The following CCDC88C variants were observed in gnomAD, a reference collection of about 807,000 sequenced individuals.
CCDC88C encodes coiled-coil and HOOK domain protein 88C, also known as protein Daple.
In CCDC88C, 131 loss-of-function variants were observed where a neutral mutation model predicts 198.8. The observed-to-expected ratio is 0.66, with a 90% confidence interval of 0.57 to 0.76. The LOEUF (loss-of-function observed/expected upper bound fraction) is 0.76. Ranked by LOEUF, CCDC88C falls within the 30% of genes least tolerant of loss-of-function variation. CCDC88C has a pLI of 0.00. For synonymous variants in CCDC88C, 1,166 were observed against 1,114.7 expected, an observed-to-expected ratio of 1.05 and a Z score of -0.92; for missense variants, 2,553 against 2,631.6, an observed-to-expected ratio of 0.97 and a Z score of 0.65.
chr14:91,411,274 T>C (rs550062359), intron 2 of CCDC88C, among the ~76,000 whole-genome samples: 1 of 152,254 alleles, frequency 6.6e-6, no homozygotes, highest in South Asian at 2.1e-4. Flanking sequence ...TCAAGAGACA[T>C]GGGTTCTAGC....
chr14:91,339,010 C>T lies in CCDC88C; in HGVS notation c.809+268G>A, dbSNP rs1335220567. On this transcript the variant is annotated intron_variant, in intron 8 of 29. Coordinates refer to ENST00000389857, the MANE Select transcript of CCDC88C (RefSeq NM_001080414.4). This position sits in a 1 kb window ranked among gnomAD's most constrained non-coding sequence, Gnocchi z 5.8. ...GCCCCAAGCTGGAGCTGAGCGTGGA[C>T]TGGAGGCTGCTTCTGTGGACAACTT... is the stretch of plus-strand genomic sequence containing the variant. 3.5e-6 allele frequency: 2 copies of T among 567,994 alleles called. No homozygotes were observed. Among genetic ancestry groups the T allele is most frequent in the South Asian group, 1.9e-5 (1 of 52,294 alleles). 35.2% of individuals were successfully genotyped at this position (567,994 alleles called of 1,614,324 possible).
rs565141763 is a variant in CCDC88C at position 91,273,043 on chromosome 14, G to A, written c.5669C>T (p.Pro1890Leu). ...PLDTRRFSLA[P>L]PKEERLAPLH... ...GGGGGCCAGCCTCTCCTCCTTTGGG[G>A]GAGCCAGGGAGAAGCGCCTCGTGTC... is the stretch of plus-strand genomic sequence containing the variant. The change falls in exon 30 of 30, where the codon CCC becomes CTC. Residue 1890 changes from proline (P) to leucine (L), a missense_variant. By Grantham distance (98) the Pro-to-Leu change is moderately conservative. Coordinates refer to ENST00000389857, the MANE Select transcript of CCDC88C (RefSeq NM_001080414.4). The surrounding 1 kb of genome is among the most constrained non-coding windows in gnomAD (Gnocchi z 5.6). The A allele has an allele frequency of 5.8e-6, 9 of 1,555,130 alleles. No individual in the cohort carries two copies. The South Asian group carries it at 9.4e-5, about 16-fold the overall frequency.
rs574085200 is a variant in CCDC88C, at chr14:91,366,738, T to C, written c.271-7027A>G. On this transcript the variant is annotated intron_variant, in intron 3 of 29. Coordinates refer to ENST00000389857, the MANE Select transcript of CCDC88C (RefSeq NM_001080414.4). Reference sequence around the variant, plus strand: ...GGGAGCCAGGAGCACCCAAGGGGTCTGTAACCAGTGAAGGGGGACGGGGTC... The same window carrying C: ...GGGAGCCAGGAGCACCCAAGGGGTCCGTAACCAGTGAAGGGGGACGGGGTC... Among the ~76,000 whole-genome samples the C allele has an allele frequency of 1.2e-3, 187 of 152,310 alleles. 1 individual carries two copies. Among genetic ancestry groups the C allele is most frequent in the African/African-American group, 4.4e-3 (182 of 41,558 alleles).
At chr14:91,405,077 T>C (rs1467639615) in intron 3 of CCDC88C, among the ~76,000 whole-genome samples, 1 of 152,058 alleles carries the variant, frequency 6.6e-6, no homozygotes, top group Non-Finnish European at 1.5e-5. Flanking sequence ...GGTGGTGGGA[T>C]AGGATCTCAG....
intron 3 of CCDC88C, among the ~76,000 whole-genome samples, chr14:91,394,320 T>G (rs915637415): frequency 6.6e-6 from 1 of 152,126 alleles, no homozygotes; most frequent in Non-Finnish European, 1.5e-5. Context: ...CTCACTGCAT[T>G]GCACCTCCAT....
chr14:91,318,099 C>G (rs779450867), intron 13 of CCDC88C, among the ~76,000 whole-genome samples: 2 of 152,214 alleles, frequency 1.3e-5, no homozygotes, highest in Non-Finnish European at 2.9e-5. Flanking sequence ...AGACATTTCC[C>G]GTGCTAGGCC....
At position 91,352,918 on chromosome 14, in the gene CCDC88C, C is replaced by T. The variant is rs1034322679; in HGVS notation, c.340+6724G>A. Reference sequence around the variant, plus strand: ...CACAAGCCGGACTCTGAGCCTGTGCCTGGGTTGCCAGGATGGAGGTCAGTA... The same window carrying T: ...CACAAGCCGGACTCTGAGCCTGTGCTTGGGTTGCCAGGATGGAGGTCAGTA... On this transcript the variant is annotated intron_variant, in intron 4 of 29. Transcript: ENST00000389857. The surrounding 1 kb of genome is among the most constrained non-coding windows in gnomAD (Gnocchi z 4.2). Among the ~76,000 whole-genome samples, 1 of 152,180 alleles carries T rather than the reference C, an allele frequency of 6.6e-6. No individual in the cohort carries two copies. The highest frequency in any genetic ancestry group is 2.4e-5 in the African/African-American group (1 of 41,456).
chr14:91,401,475 C>G (rs921716736), intron 3 of CCDC88C, among the ~76,000 whole-genome samples: 1 of 151,398 alleles, frequency 6.6e-6, no homozygotes, highest in East Asian at 1.9e-4. Context: ...GCTGGGACTA[C>G]AGTCGCCCAC....
Position 91,281,154 on chromosome 14 carries a change from C to G in CCDC88C, c.4699+303G>C, listed in dbSNP as rs561545462. 183 of 552,390 alleles carry G rather than the reference C, an allele frequency of 3.3e-4. 3 individuals are homozygous for G. The highest frequency in any genetic ancestry group is 2.5e-3 in the South Asian group (163 of 65,716). 34.2% of individuals were successfully genotyped at this position (552,390 alleles called of 1,614,324 possible). On this transcript the variant is annotated intron_variant, in intron 27 of 29. Coordinates refer to ENST00000389857, the MANE Select transcript of CCDC88C (RefSeq NM_001080414.4). The stretch of plus-strand genomic sequence containing the variant: ...GCAAGGGACCTTCTTGAAATGAACG[C>G]TCCCCACCTGGGCCACCGGAACTTC...
At chr14:91,277,339 A>G (rs1890008209) in intron 29 of CCDC88C, among the ~76,000 whole-genome samples, 1 of 152,224 alleles carries the variant, frequency 6.6e-6, no homozygotes, top group African/African-American at 2.4e-5. Context: ...AATTGGTCAA[A>G]AAGAAATTTT....
At chr14:91,303,658 G>A in intron 20 of CCDC88C, 43 bp downstream of exon 20, 3 of 1,515,276 alleles carry the variant, frequency 2.0e-6, no homozygotes, top group Non-Finnish European at 2.7e-6. Flanking sequence ...CTCTCCTCTG[G>A]ACTCTACCCC....
Position 91,315,723 on chromosome 14 carries a change from C to T in CCDC88C, c.1592G>A (p.Ser531Asn). Reference sequence around the variant, plus strand: ...CTCCTTCTCTCTGATCAGCTCCTCACTGAGGGTCTCCAGATCTTGGTTGCT... The same window carrying T: ...CTCCTTCTCTCTGATCAGCTCCTCATTGAGGGTCTCCAGATCTTGGTTGCT... ...KQSNQDLETL[S>N]EELIREKEQL... Residue 531 changes from serine (S) to asparagine (N), a missense_variant, in exon 14 of 30, where the codon AGT becomes AAT. Physicochemically the swap from Ser to Asn is conservative, Grantham distance 46. Transcript: ENST00000389857. 1 of 1,613,910 alleles carries T rather than the reference C, an allele frequency of 6.2e-7. No individual in the cohort carries two copies. The highest frequency in any genetic ancestry group is 8.5e-7 in the Non-Finnish European group (1 of 1,179,856).
rs915801849 is a variant in CCDC88C, at chr14:91,297,478, G to A, written c.3793C>T (p.His1265Tyr). Reference protein sequence around the residue: ...RGELDRVNFLHHQLKGEYEEL... With the variant: ...RGELDRVNFLYHQLKGEYEEL... ...TCGTACTCCCCCTTCAGCTGGTGGT[G>A]CAGGAAATTGACCCTGGAGGAGGAA... The change falls in exon 22 of 30, where the codon CAC becomes TAC. Residue 1265 changes from histidine (H) to tyrosine (Y), a missense_variant. Transcript: ENST00000389857. The A allele has an allele frequency of 1.3e-6, 2 of 1,557,354 alleles. No individual in the cohort carries two copies. The highest frequency in any genetic ancestry group is 1.9e-5 in the Admixed American group (1 of 51,530).
chr14:91,347,915 C>T (rs1893621100), intron 4 of CCDC88C, among the ~76,000 whole-genome samples: 1 of 152,176 alleles, frequency 6.6e-6, no homozygotes, highest in Non-Finnish European at 1.5e-5. Flanking sequence ...TTCACAATAG[C>T]AAAGACTTGG....
At chr14:91,304,583 T>C (rs1401545535) in intron 19 of CCDC88C, among the ~76,000 whole-genome samples, 1 of 151,694 alleles carries the variant, frequency 6.6e-6, no homozygotes, top group Non-Finnish European at 1.5e-5. Flanking sequence ...AGTGAAACCC[T>C]GTCTCTTACA....
Position 91,273,120 on chromosome 14 carries a change from C to A in CCDC88C, c.5592G>T (p.Val1864=). 1 of 1,572,960 alleles carries A rather than the reference C, an allele frequency of 6.4e-7. No homozygotes were observed. The highest frequency in any genetic ancestry group is 2.3e-5 in the East Asian group (1 of 42,690). Residue 1864 remains valine (V), a synonymous_variant, in exon 30 of 30, where the codon GTG becomes GTT. Coordinates refer to ENST00000389857, the MANE Select transcript of CCDC88C (RefSeq NM_001080414.4). The surrounding 1 kb of genome is among the most constrained non-coding windows in gnomAD (Gnocchi z 5.6). ...HSLARERTPL[V]GKAGSSCQGP... is the part of the protein sequence containing the mutation. ...CCTGACAGGAGCTGCCAGCCTTTCC[C>A]ACAAGTGGGGTCCGCTCCCGGGCCA...
chr14:91,377,857 C>T (rs1256429326), intron 3 of CCDC88C, among the ~76,000 whole-genome samples: 1 of 152,132 alleles, frequency 6.6e-6, no homozygotes, highest in Non-Finnish European at 1.5e-5. Flanking sequence ...GTGCGTGCAG[C>T]AGGAAGGAGG....
At chr14:91,281,787 C>T (rs1189335954) in intron 26 of CCDC88C, among the ~76,000 whole-genome samples, 1 of 152,130 alleles carries the variant, frequency 6.6e-6, no homozygotes, top group Non-Finnish European at 1.5e-5. Context: ...GGACCAAAGG[C>T]GTGTTCTGGC....
At chr14:91,278,327 C>A in intron 28 of CCDC88C, 116 bp from the exon 29 acceptor site, 3 of 1,035,796 alleles carry the variant, frequency 2.9e-6, no homozygotes, top group Non-Finnish European at 4.0e-6. Context: ...AAATCCCTTG[C>A]CCGAAAACCC....
Sources: allele counts gnomAD v4.1 joint callset (sites outside exome capture counted in the v4.1 genomes callset), GRCh38; gene constraint gnomAD v4.1.1; non-coding constraint Gnocchi (gnomAD v3.1); transcripts MANE v1.5; gene names NCBI Gene and HGNC (gene_info 2026-07-23, HGNC 2026-07-21).